The following PPFIBP2 variants were observed in gnomAD, a reference collection of about 807,000 sequenced individuals.
PPFIBP2 encodes PPFIB scaffold protein 2.
PPFIBP2 carries 118 observed loss-of-function variants against 118.3 expected under a neutral mutation model. That is an observed-to-expected ratio of 1.00 (90% CI 0.86 to 1.16). The LOEUF (loss-of-function observed/expected upper bound fraction) is 1.16, where lower values mean the gene tolerates loss of function less well. Among genes scored for constraint, PPFIBP2 ranks in the 50% most tolerant of loss-of-function variants. The pLI is 0.00. For synonymous variants in PPFIBP2, 414 were observed against 397.4 expected, an observed-to-expected ratio of 1.04 and a Z score of -0.50; for missense variants, 1,195 against 1,073.1, an observed-to-expected ratio of 1.11 and a Z score of -1.59.
chr11:7,519,144 GGAAGATGGCAGCTGA>G (rs1849505164), intron 1 of PPFIBP2, among the ~76,000 whole-genome samples: 2 of 152,114 alleles, frequency 1.3e-5, no homozygotes, highest in East Asian at 3.9e-4. Context: ...ATGGCGACTG[GGAAGATGGCAGCTGA>G]GAAGATTGCG....
chr11:7,567,248 C>T (rs1246823501), intron 3 of PPFIBP2, among the ~76,000 whole-genome samples: 1 of 152,182 alleles, frequency 6.6e-6, no homozygotes, highest in Non-Finnish European at 1.5e-5. Flanking sequence ...AACTCCAATC[C>T]ATCAACAATA....
rs558645234 is a variant in PPFIBP2 at position 7,599,854 on chromosome 11, C to T, written c.486+2181C>T. ...AGAGACGGGGTTTCACCATGTTAGCCAGGATGGTCTCAATCTCCTGACCTC... is the reference window on the plus strand; with the variant it reads ...AGAGACGGGGTTTCACCATGTTAGCTAGGATGGTCTCAATCTCCTGACCTC... On this transcript the variant is annotated intron_variant, in intron 5 of 23. Transcript: ENST00000299492. Among the ~76,000 whole-genome samples the T allele has an allele frequency of 2.7e-5, 4 of 149,792 alleles. No homozygotes were observed. In the East Asian group the frequency reaches 7.9e-4, roughly 30 times the overall value.
the PPFIBP2 span, among the ~76,000 whole-genome samples, chr11:7,664,425 CT>C: frequency 6.6e-6 from 1 of 152,156 alleles, no homozygotes; most frequent in South Asian, 2.1e-4. Flanking sequence ...GATGGAAATA[CT>C]CTGTGATGGA....
intron 6 of PPFIBP2, 116 bp from the exon 7 acceptor site, chr11:7,620,819 G>A (rs1849259799): frequency 4.0e-6 from 3 of 744,514 alleles, no homozygotes; most frequent in Non-Finnish European, 7.2e-6. Context: ...GATTAAAGCT[G>A]TTATGTGGAG....
Position 7,597,557 on chromosome 11 carries a change from C to G in PPFIBP2, c.373-3C>G. The G allele has an allele frequency of 1.2e-6, 2 of 1,612,218 alleles. No homozygotes were observed. Among genetic ancestry groups the G allele is most frequent in the South Asian group, 1.1e-5 (1 of 90,870 alleles). On this transcript the variant is annotated splice_region_variant and splice_polypyrimidine_tract_variant and intron_variant, in intron 4 of 23. Transcript: ENST00000299492. ...TCCACCATTGCTTTATTTCCTGGAACAGGTGAGTGTCCTCACAGACCAAGT... is the reference window on the plus strand; with the variant it reads ...TCCACCATTGCTTTATTTCCTGGAAGAGGTGAGTGTCCTCACAGACCAAGT...
chr11:7,628,195 T>G (rs1565085202), intron 8 of PPFIBP2, 90 bp from the exon 9 acceptor site: 2 of 1,079,300 alleles, frequency 1.9e-6, no homozygotes, highest in Non-Finnish European at 2.7e-6. Context: ...ACATGGCAAG[T>G]CTTCATTTGA....
chr11:7,666,271 G>T, the PPFIBP2 span: 1 of 602,042 alleles, frequency 1.7e-6, no homozygotes, highest in South Asian at 2.1e-5. Flanking sequence ...TTAAAAGCAG[G>T]CCATCCCAAA....
chr11:7,644,062 G>A (rs1852613846), intron 17 of PPFIBP2, among the ~76,000 whole-genome samples: 1 of 152,048 alleles, frequency 6.6e-6, no homozygotes. Context: ...TGGTAATTTA[G>A]TTTTCATGTT....
At chr11:7,543,803 C>G (rs1159853841) in intron 1 of PPFIBP2, among the ~76,000 whole-genome samples, 2 of 152,316 alleles carry the variant, frequency 1.3e-5, no homozygotes, top group African/African-American at 4.8e-5. Flanking sequence ...CACTGTTTGC[C>G]TCAGAACATA....
At chr11:7,561,495 TC>T (rs1479616112) in intron 2 of PPFIBP2, among the ~76,000 whole-genome samples, 2 of 152,246 alleles carry the variant, frequency 1.3e-5, no homozygotes, top group Non-Finnish European at 2.9e-5. Context: ...TATAAAATCT[TC>T]CTCTCACTCA....
chr11:7,655,925 G>A (rs1018922023), downstream of PPFIBP2, among the ~76,000 whole-genome samples: 1 of 152,176 alleles, frequency 6.6e-6, no homozygotes, highest in African/African-American at 2.4e-5. Flanking sequence ...CTCTGACTTT[G>A]TGGGTATCAC....
chr11:7,607,736 T>C (rs554224806), intron 5 of PPFIBP2, among the ~76,000 whole-genome samples: 2 of 152,320 alleles, frequency 1.3e-5, no homozygotes, highest in African/African-American at 2.4e-5. Flanking sequence ...CCCCTTTGCA[T>C]TGGCAGCTGG....
At chr11:7,648,184 T>A (rs960378891) in intron 17 of PPFIBP2, 2 of 539,766 alleles carry the variant, frequency 3.7e-6, no homozygotes, top group Admixed American at 6.6e-5. Context: ...TCTTGTGTTA[T>A]TAAGAAAACT....
chr11:7,631,701 C>CT (rs1302614259), intron 11 of PPFIBP2, among the ~76,000 whole-genome samples: 1 of 152,124 alleles, frequency 6.6e-6, no homozygotes, highest in Non-Finnish European at 1.5e-5. Context: ...AATCTTAGTG[C>CT]TTCAGTTCAA....
chr11:7,527,311 G>C (rs1420870710), intron 1 of PPFIBP2, among the ~76,000 whole-genome samples: 2 of 152,014 alleles, frequency 1.3e-5, no homozygotes, highest in Non-Finnish European at 2.9e-5. Flanking sequence ...TGATATCTTG[G>C]TCTGGGTGGC....
chr11:7,523,598 G>T (rs1473370683), intron 1 of PPFIBP2, among the ~76,000 whole-genome samples: 3 of 152,188 alleles, frequency 2.0e-5, no homozygotes, highest in African/African-American at 4.8e-5. Context: ...GCCACAAATT[G>T]CACAGATTAC....
At chr11:7,535,329 C>G (rs1381915894) in intron 1 of PPFIBP2, among the ~76,000 whole-genome samples, 2 of 152,178 alleles carry the variant, frequency 1.3e-5, no homozygotes, top group Non-Finnish European at 2.9e-5. Flanking sequence ...GTTGAGGAAA[C>G]AGCATGACAA....
intron 2 of PPFIBP2, among the ~76,000 whole-genome samples, chr11:7,558,799 A>G (rs1003575371): frequency 6.6e-6 from 1 of 152,156 alleles, no homozygotes; most frequent in African/African-American, 2.4e-5. Context: ...GAAATCCTAT[A>G]ACACTTGCAT....
intron 7 of PPFIBP2, among the ~76,000 whole-genome samples, chr11:7,624,339 C>T (rs1157293561): frequency 2.0e-5 from 3 of 152,180 alleles, no homozygotes; most frequent in Non-Finnish European, 2.9e-5. Flanking sequence ...ATTGTTTCCT[C>T]GGGTGGTTGC....
Sources: gnomAD v4.1 joint callset for allele counts (sites outside exome capture counted in the v4.1 genomes callset) on GRCh38, gnomAD v4.1.1 for gene constraint, MANE v1.5 for transcripts, NCBI Gene and HGNC (gene_info 2026-07-23, HGNC 2026-07-21) for gene names.